The following COX6C variants were observed in gnomAD, a reference collection of about 807,000 sequenced individuals.
The protein encoded by COX6C is cytochrome c oxidase subunit 6C.
Under a neutral mutation model 6.9 loss-of-function variants are expected in COX6C, and 3 were observed. That is an observed-to-expected ratio of 0.43 (90% CI 0.20 to 1.12). COX6C has a LOEUF of 1.12. COX6C is among the 50% of genes most tolerant of loss of function. COX6C has a pLI of 0.27. For missense variants in COX6C, 101 were observed against 97.3 expected (o/e 1.04, Z -0.16); for synonymous variants, 32 against 32.0 (o/e 1.00, Z 0.00).
intron 3 of COX6C, among the ~76,000 whole-genome samples, chr8:99,885,267 T>A (rs1358533561): frequency 2.0e-5 from 3 of 152,212 alleles, no homozygotes; most frequent in African/African-American, 7.2e-5. Context: ...ATTGTTCTAT[T>A]TTGTTATTGT....
At chr8:99,885,904 GAAC>G (rs1563527822) in intron 3 of COX6C, 5 of 152,122 alleles carry the variant, frequency 3.3e-5, no homozygotes. Context: ...AATATATACA[GAAC>G]AACTCAACCA....
rs774333000 is a variant in COX6C, at chr8:99,892,032, G to A, written c.-11C>T. The stretch of plus-strand genomic sequence containing the variant: ...AACTTCGGGAGCCATGGTAGTTACT[G>A]TCCTTGATACGTATGCTAACCTTAA... On this transcript the variant is annotated 5_prime_UTR_variant, in exon 2 of 4. Coordinates refer to ENST00000520468, the MANE Select transcript of COX6C (RefSeq NM_004374.4). The A allele has an allele frequency of 1.9e-6, 3 of 1,594,496 alleles. No homozygotes were observed. Among genetic ancestry groups the A allele is most frequent in the African/African-American group, 2.7e-5 (2 of 74,092 alleles).
At chr8:99,884,599 G>A (rs564820871) in intron 3 of COX6C, among the ~76,000 whole-genome samples, 6 of 152,196 alleles carry the variant, frequency 3.9e-5, no homozygotes, top group South Asian at 2.1e-4. Context: ...GGAAAAGTAC[G>A]GAAAGAAATG....
At chr8:99,882,986 C>T (rs1052233155) in intron 3 of COX6C, among the ~76,000 whole-genome samples, 1 of 152,038 alleles carries the variant, frequency 6.6e-6, no homozygotes, top group Non-Finnish European at 1.5e-5. Flanking sequence ...CGGGGTTTCG[C>T]CATGTTGCCC....
chr8:99,882,644 C>A (rs1474538020), intron 3 of COX6C, among the ~76,000 whole-genome samples: 1 of 152,072 alleles, frequency 6.6e-6, no homozygotes, highest in Non-Finnish European at 1.5e-5. Flanking sequence ...ATCAACAAAC[C>A]TTTAGTCAGA....
In COX6C at chr8:99,892,897, A is replaced by C. The variant is rs530952430; in HGVS notation, c.-32+742T>G. On this transcript the variant is annotated intron_variant, in intron 1 of 3. Coordinates refer to ENST00000520468, the MANE Select transcript of COX6C (RefSeq NM_004374.4). ...GTTAAACCTTCGCGACAACCCTGTC[A>C]GATCATGAGGCAGGTGTTTTCCACG... 8.7e-4 allele frequency: 132 copies of C among 152,376 alleles called. 1 individual carries two copies. Among genetic ancestry groups the C allele is most frequent in the African/African-American group, 2.7e-3 (112 of 41,586 alleles). The allele number at this position is 152,376 out of a possible 1,614,324, so 9.4% of individuals were successfully genotyped here. A position where few individuals can be genotyped will look rare whatever the true frequency, so the allele number is the denominator to read the frequency against.
At chr8:99,881,599 TCATGTAATCCC>T (rs2131002391) in intron 3 of COX6C, among the ~76,000 whole-genome samples, 1 of 152,192 alleles carries the variant, frequency 6.6e-6, no homozygotes, top group East Asian at 1.9e-4. Flanking sequence ...TTAGCATATT[TCATGTAATCCC>T]CATGGTAACC....
At chr8:99,880,563 GATC>G (rs1817846463) in intron 3 of COX6C, among the ~76,000 whole-genome samples, 1 of 152,092 alleles carries the variant, frequency 6.6e-6, no homozygotes, top group Admixed American at 6.6e-5. Flanking sequence ...CTTCAAGACA[GATC>G]ATTTGAAGTT....
chr8:99,889,445 G>T (rs575978671), intron 2 of COX6C, among the ~76,000 whole-genome samples: 1 of 150,254 alleles, frequency 6.7e-6, no homozygotes, highest in East Asian at 2.0e-4. Flanking sequence ...GAGTGTAATG[G>T]TGCGAACTCG....
At chr8:99,892,989 A>G (rs945760407) in intron 1 of COX6C, 1 of 152,184 alleles carries the variant, frequency 6.6e-6, no homozygotes, top group African/African-American at 2.4e-5. Context: ...CAAATTCCCT[A>G]ACTGCTCCTT....
At chr8:99,892,335 C>T (rs190898130) in intron 1 of COX6C, among the ~76,000 whole-genome samples, 1 of 152,246 alleles carries the variant, frequency 6.6e-6, no homozygotes, top group African/African-American at 2.4e-5. Flanking sequence ...AATTCCTAAA[C>T]TGTTTATCAA....
chr8:99,887,531 C>A lies in COX6C; in HGVS notation c.202G>T (p.Ala68Ser), dbSNP rs763308837. 1.2e-6 allele frequency: 2 copies of A among 1,606,124 alleles called. No individual in the cohort carries two copies. The highest frequency in any genetic ancestry group is 1.7e-6 in the Non-Finnish European group (2 of 1,176,812). ...VMKDFEEMRK[A>S]GIFQSVK ...TACTTTACACTCTGAAAGATACCAG[C>A]CTTCCTCATCTCCTCAAAATCTTTC... The change falls in exon 3 of 4, where the codon GCT becomes TCT. Residue 68 changes from alanine (A) to serine (S), a missense_variant. Coordinates refer to ENST00000520468, the MANE Select transcript of COX6C (RefSeq NM_004374.4).
At chr8:99,890,314 T>C (rs1039902154) in intron 2 of COX6C, among the ~76,000 whole-genome samples, 3 of 152,122 alleles carry the variant, frequency 2.0e-5, no homozygotes, top group Non-Finnish European at 4.4e-5. Flanking sequence ...CAAATAGCTA[T>C]GACCCACAAT....
chr8:99,889,684 G>A (rs1818004632), intron 2 of COX6C, among the ~76,000 whole-genome samples: 1 of 151,624 alleles, frequency 6.6e-6, no homozygotes, highest in Non-Finnish European at 1.5e-5. Context: ...CACTGTACCT[G>A]GCCTCGCCTC....
chr8:99,884,869 T>A (rs1031966420), intron 3 of COX6C, among the ~76,000 whole-genome samples: 1 of 152,298 alleles, frequency 6.6e-6, no homozygotes, highest in Non-Finnish European at 1.5e-5. Flanking sequence ...AGGAAAGACA[T>A]CCTGTGTTCA....
chr8:99,893,656 T>C lies in COX6C; in HGVS notation c.-49A>G, dbSNP rs971883054. On this transcript the variant is annotated 5_prime_UTR_variant, in exon 1 of 4. Coordinates refer to ENST00000520468, the MANE Select transcript of COX6C (RefSeq NM_004374.4). ...GGACTCACCTCAACACCAACGTCCTTCCTGACTAAAGGAAAAACGAACCGT... is the reference window on the plus strand; with the variant it reads ...GGACTCACCTCAACACCAACGTCCTCCCTGACTAAAGGAAAAACGAACCGT... The C allele has an allele frequency of 6.6e-6, 1 of 152,226 alleles. No individual in the cohort carries two copies. The allele number at this position is 152,226 out of a possible 1,614,324, so 9.4% of individuals were successfully genotyped here.
At chr8:99,891,881 T>C (rs1461917514) in intron 2 of COX6C, 27 bp downstream of exon 2, 2 of 1,593,524 alleles carry the variant, frequency 1.3e-6, no homozygotes, top group African/African-American at 1.3e-5. Context: ...TTTATGACCT[T>C]CGGCACAAAG....
At chr8:99,892,560 G>A (rs186433176) in intron 1 of COX6C, among the ~76,000 whole-genome samples, 1 of 152,142 alleles carries the variant, frequency 6.6e-6, no homozygotes, top group African/African-American at 2.4e-5. Flanking sequence ...ACTCAGAAAA[G>A]ATATCAAAAG....
chr8:99,890,627 C>A (rs1818019621), intron 2 of COX6C, among the ~76,000 whole-genome samples: 1 of 151,970 alleles, frequency 6.6e-6, no homozygotes, highest in East Asian at 1.9e-4. Flanking sequence ...GGCTCACAGC[C>A]CAGTAAAGAA....
Sources: allele counts gnomAD v4.1 joint callset (sites outside exome capture counted in the v4.1 genomes callset), GRCh38; gene constraint gnomAD v4.1.1; transcripts MANE v1.5; gene names NCBI Gene and HGNC (gene_info 2026-07-23, HGNC 2026-07-21).